The following TMTC1 variants were observed in gnomAD, a reference collection of about 807,000 sequenced individuals.
The protein encoded by TMTC1 is protein O-mannosyl-transferase TMTC1.
TMTC1 carries 73 observed loss-of-function variants against 104.8 expected under a neutral mutation model. That is an observed-to-expected ratio of 0.70 (90% CI 0.58 to 0.85). The LOEUF (loss-of-function observed/expected upper bound fraction) is 0.85. Ranked by LOEUF, TMTC1 falls within the 40% of genes least tolerant of loss-of-function variation. The pLI, the probability that TMTC1 is intolerant of heterozygous loss-of-function variation, is 0.00. For missense variants in TMTC1, 1,035 were observed against 1,096.1 expected (o/e 0.94, Z 0.79); for synonymous variants, 434 against 428.7 (o/e 1.01, Z -0.15).
At chr12:29,713,343 G>GGAGAGA (rs113105294) in intron 5 of TMTC1, among the ~76,000 whole-genome samples, 3 of 98,986 alleles carry the variant, frequency 3.0e-5, no homozygotes, top group African/African-American at 1.2e-4. Flanking sequence ...ACACACACAG[G>GGAGAGA]GAGAGAGAGA....
chr12:29,508,869 T>C (rs1444436714), intron 17 of TMTC1, among the ~76,000 whole-genome samples: 1 of 152,126 alleles, frequency 6.6e-6, no homozygotes, highest in Non-Finnish European at 1.5e-5. Context: ...TGAGCCACCG[T>C]GCCCAGCCTA....
rs11834712 is a variant in TMTC1 at position 29,505,261 on chromosome 12, G to C, written c.*1585C>G. ...GGCTATTTTTACCCTGCCCTGGCCTGAGCATGCGAATTATGTGAGCCTTTA... is the reference window on the plus strand; with the variant it reads ...GGCTATTTTTACCCTGCCCTGGCCTCAGCATGCGAATTATGTGAGCCTTTA... On this transcript the variant is annotated 3_prime_UTR_variant, in exon 18 of 18. Transcript: ENST00000539277. 48,267 of 152,072 alleles carry C rather than the reference G, an allele frequency of 0.32. 7,914 individuals are homozygous for C. Among genetic ancestry groups the C allele is most frequent in the East Asian group, 0.53 (2,733 of 5,174 alleles). 9.4% of individuals were successfully genotyped at this position (152,072 alleles called of 1,614,324 possible).
At chr12:29,655,773 G>A (rs1276669265) in intron 5 of TMTC1, among the ~76,000 whole-genome samples, 5 of 152,034 alleles carry the variant, frequency 3.3e-5, no homozygotes, top group African/African-American at 1.2e-4. Flanking sequence ...AACAAAGAAG[G>A]CTTGACCAAG....
intron 10 of TMTC1, among the ~76,000 whole-genome samples, chr12:29,555,143 T>TTG (rs2136252835): frequency 8.3e-6 from 1 of 121,178 alleles, no homozygotes; most frequent in Non-Finnish European, 1.8e-5. Flanking sequence ...CCTTTTTTTT[T>TTG]TTTTTTTTTT....
intron 7 of TMTC1, among the ~76,000 whole-genome samples, chr12:29,588,759 A>G (rs1252374902): frequency 6.6e-6 from 1 of 152,180 alleles, no homozygotes; most frequent in Non-Finnish European, 1.5e-5. Flanking sequence ...GACATTTGAG[A>G]AAGACCTGAA....
intron 11 of TMTC1, among the ~76,000 whole-genome samples, chr12:29,532,266 A>G (rs1296654514): frequency 6.6e-6 from 1 of 152,186 alleles, no homozygotes; most frequent in Non-Finnish European, 1.5e-5. Context: ...CTGGTGGCAG[A>G]GTAAATTGGA....
chr12:29,521,748 A>G (rs1944172733), intron 11 of TMTC1, among the ~76,000 whole-genome samples: 2 of 151,686 alleles, frequency 1.3e-5, no homozygotes, highest in South Asian at 2.1e-4. Context: ...TTGTATTTTT[A>G]GTAGAGATGG....
intron 5 of TMTC1, among the ~76,000 whole-genome samples, chr12:29,710,557 T>C (rs1941873329): frequency 6.9e-6 from 1 of 145,638 alleles, no homozygotes; most frequent in Non-Finnish European, 1.5e-5. Flanking sequence ...ATAATATATA[T>C]AAAATATTGT....
intron 7 of TMTC1, among the ~76,000 whole-genome samples, chr12:29,597,219 C>A (rs921702539): frequency 1.7e-4 from 25 of 143,984 alleles, no homozygotes; most frequent in Admixed American, 4.8e-4. Flanking sequence ...TTTTCTTTTT[C>A]TTTTTCTTTC....
chr12:29,588,668 A>G (rs1334398159), intron 7 of TMTC1, among the ~76,000 whole-genome samples: 1 of 152,240 alleles, frequency 6.6e-6, no homozygotes, highest in East Asian at 1.9e-4. Flanking sequence ...GGGCATGTAC[A>G]TGGTGATACA....
At chr12:29,571,316 T>C (rs1945670142) in intron 9 of TMTC1, among the ~76,000 whole-genome samples, 1 of 152,010 alleles carries the variant, frequency 6.6e-6, no homozygotes, top group Non-Finnish European at 1.5e-5. Flanking sequence ...ATGTATTATC[T>C]GGGGTGTTTC....
chr12:29,621,029 A>G (rs532591177), intron 6 of TMTC1, among the ~76,000 whole-genome samples: 45 of 152,348 alleles, frequency 3.0e-4, no homozygotes, highest in Non-Finnish European at 6.0e-4. Flanking sequence ...TGGGCTAGAA[A>G]GATTGGATCT....
rs565418429 is a variant in TMTC1 at position 29,538,665 on chromosome 12, T to A, written c.1677-2348A>T. 7.2e-4 allele frequency among the ~76,000 whole-genome samples: 109 copies of A among 152,302 alleles called. 1 individual carries two copies. Among genetic ancestry groups the A allele is most frequent in the African/African-American group, 2.5e-3 (104 of 41,574 alleles). Reference sequence around the variant, plus strand: ...CAAGATGACCATTCAGTACAGTCTATGAACCTAAATGCTTGAGTTTGTCCA... The same window carrying A: ...CAAGATGACCATTCAGTACAGTCTAAGAACCTAAATGCTTGAGTTTGTCCA... On this transcript the variant is annotated intron_variant, in intron 10 of 17. Coordinates refer to ENST00000539277, the MANE Select transcript of TMTC1 (RefSeq NM_001193451.2).
At chr12:29,719,871 G>A (rs559936445) in intron 5 of TMTC1, among the ~76,000 whole-genome samples, 2 of 152,248 alleles carry the variant, frequency 1.3e-5, no homozygotes, top group African/African-American at 2.4e-5. Context: ...CTTTTCCATA[G>A]GAGGATCTAG....
intron 6 of TMTC1, among the ~76,000 whole-genome samples, chr12:29,609,513 T>G: frequency 6.6e-6 from 1 of 152,240 alleles, no homozygotes; most frequent in East Asian, 1.9e-4. Context: ...ATGTTAACTG[T>G]CAGCCTCCAC....
intron 1 of TMTC1, 128 bp from the exon 2 acceptor site, chr12:29,768,203 A>T: frequency 1.3e-6 from 1 of 745,182 alleles, no homozygotes; most frequent in Non-Finnish European, 2.1e-6. Context: ...AATGATTCCC[A>T]ACATTGGGTT....
At chr12:29,523,504 T>C (rs952374002) in intron 11 of TMTC1, among the ~76,000 whole-genome samples, 3 of 152,214 alleles carry the variant, frequency 2.0e-5, no homozygotes, top group Admixed American at 2.0e-4. Flanking sequence ...TACAGTTTAC[T>C]AGGTACAGAG....
At chr12:29,572,002 A>G (rs1836885337) in intron 9 of TMTC1, 103 bp downstream of exon 9, 7 of 888,558 alleles carry the variant, frequency 7.9e-6, no homozygotes, top group Non-Finnish European at 1.3e-5. Flanking sequence ...TTTACTGTCA[A>G]GAGAAACAAA....
At chr12:29,617,005 A>G (rs371149444) in intron 6 of TMTC1, among the ~76,000 whole-genome samples, 51 of 152,290 alleles carry the variant, frequency 3.3e-4, no homozygotes, top group African/African-American at 1.2e-3. Flanking sequence ...TGAGTGGTCA[A>G]TTAAATCTCT....
Sources: gnomAD v4.1 joint callset for allele counts (sites outside exome capture counted in the v4.1 genomes callset) on GRCh38, gnomAD v4.1.1 for gene constraint, MANE v1.5 for transcripts, NCBI Gene and HGNC (gene_info 2026-07-23, HGNC 2026-07-21) for gene names.